Variants in MYO10 observed in about 807,000 individuals in gnomAD.
MYO10 encodes the protein unconventional myosin-X.
In MYO10, 133 loss-of-function variants were observed where a neutral mutation model predicts 257.3. The observed-to-expected ratio is 0.52, with a 90% CI of 0.45 to 0.60. The LOEUF (loss-of-function observed/expected upper bound fraction) is 0.60, where lower values mean the gene tolerates loss of function less well. Ranked by LOEUF, MYO10 falls within the 20% of genes least tolerant of loss-of-function variation. The pLI, the probability that MYO10 is intolerant of heterozygous loss-of-function variation, is 0.00. For missense variants in MYO10, 2,399 were observed against 2,635.7 expected (o/e 0.91, Z 1.97); for synonymous variants, 1,104 against 1,028.6 (o/e 1.07, Z -1.40).
At chr5:16,713,329 C>A in intron 19 of MYO10, 1 of 985,846 alleles carries the variant, frequency 1.0e-6, no homozygotes, top group South Asian at 4.7e-5. Context: ...GCCACACTCA[C>A]CATCTTCCTG....
At chr5:16,865,036 G>A (rs1428672635) in intron 2 of MYO10, among the ~76,000 whole-genome samples, 1 of 151,510 alleles carries the variant, frequency 6.6e-6, no homozygotes, top group African/African-American at 2.4e-5. Flanking sequence ...ACAGCAAAAT[G>A]TGGGAAAAGC....
At chr5:16,929,012 G>T (rs1451215386) in intron 1 of MYO10, among the ~76,000 whole-genome samples, 1 of 151,098 alleles carries the variant, frequency 6.6e-6, no homozygotes, top group African/African-American at 2.4e-5. Context: ...GAGTGCAGTG[G>T]CGCGATCTCA....
At chr5:16,906,299 C>G (rs1002765646) in intron 1 of MYO10, among the ~76,000 whole-genome samples, 5 of 152,040 alleles carry the variant, frequency 3.3e-5, no homozygotes, top group Non-Finnish European at 7.4e-5. Context: ...TCCTTCAGCT[C>G]GAGGGTCTAA....
intron 27 of MYO10, among the ~76,000 whole-genome samples, chr5:16,691,853 T>C (rs1384946898): frequency 6.6e-6 from 1 of 152,166 alleles, no homozygotes; most frequent in East Asian, 1.9e-4. Context: ...CTAGGTCTAA[T>C]GACCAATTCA....
chr5:16,891,627 T>A (rs565118639), intron 1 of MYO10, among the ~76,000 whole-genome samples: 1 of 152,326 alleles, frequency 6.6e-6, no homozygotes, highest in South Asian at 2.1e-4. Context: ...TGTCATGATG[T>A]GTGAATTATA....
At chr5:16,676,647 C>T (rs891309747) in intron 33 of MYO10, among the ~76,000 whole-genome samples, 31 of 152,066 alleles carry the variant, frequency 2.0e-4, no homozygotes, top group African/African-American at 2.2e-4. Flanking sequence ...ACCCGGGAGG[C>T]GGAGGTTGCA....
intron 1 of MYO10, among the ~76,000 whole-genome samples, chr5:16,905,958 A>C (rs1380371898): frequency 1.3e-5 from 2 of 152,230 alleles, no homozygotes; most frequent in Non-Finnish European, 2.9e-5. Flanking sequence ...AAGTTGAAAA[A>C]AAGAAAAAGA....
chr5:16,668,182 G>T (rs1561163319), intron 40 of MYO10, 95 bp downstream of exon 40: 2 of 1,323,004 alleles, frequency 1.5e-6, no homozygotes, highest in Non-Finnish European at 2.0e-6. Flanking sequence ...AATATTCAAA[G>T]AAAATGACCT....
intron 1 of MYO10, among the ~76,000 whole-genome samples, chr5:16,881,189 A>G (rs1051767974): frequency 1.3e-5 from 2 of 152,228 alleles, no homozygotes; most frequent in Admixed American, 6.5e-5. Flanking sequence ...CTGTTTCCCA[A>G]TCAAAATTGT....
At chr5:16,870,835 T>A (rs1580097007) in intron 2 of MYO10, among the ~76,000 whole-genome samples, 1 of 152,288 alleles carries the variant, frequency 6.6e-6, no homozygotes, top group East Asian at 1.9e-4. Context: ...GAGGCTGCAG[T>A]AAGCCGAGAT....
chr5:16,931,607 G>A (rs931186748), intron 1 of MYO10, among the ~76,000 whole-genome samples: 2 of 150,142 alleles, frequency 1.3e-5, no homozygotes, highest in Non-Finnish European at 3.0e-5. Flanking sequence ...GCTCCCCCTG[G>A]CTTTGCTGTC....
chr5:16,719,434 G>A (rs1739050357), intron 19 of MYO10, among the ~76,000 whole-genome samples: 1 of 152,194 alleles, frequency 6.6e-6, no homozygotes, highest in African/African-American at 2.4e-5. Flanking sequence ...TGTATCCCAA[G>A]GATGATGCCC....
intron 33 of MYO10, among the ~76,000 whole-genome samples, chr5:16,676,629 T>C (rs1055557024): frequency 2.0e-5 from 3 of 152,134 alleles, no homozygotes; most frequent in African/African-American, 4.8e-5. Flanking sequence ...GGCAGGATAA[T>C]TGCTTGAACC....
chr5:16,769,670 C>T (rs1228329885), intron 9 of MYO10, among the ~76,000 whole-genome samples: 1 of 151,814 alleles, frequency 6.6e-6, no homozygotes, highest in Non-Finnish European at 1.5e-5. Context: ...ATGATGAGGA[C>T]ATTACATAGT....
intron 1 of MYO10, among the ~76,000 whole-genome samples, chr5:16,903,276 A>G (rs1745436250): frequency 6.6e-6 from 1 of 152,168 alleles, no homozygotes; most frequent in African/African-American, 2.4e-5. Flanking sequence ...GTGGTAGCGC[A>G]TGCCTGTAAT....
At chr5:16,878,052 G>A (rs181534173) in intron 1 of MYO10, among the ~76,000 whole-genome samples, 26 of 152,300 alleles carry the variant, frequency 1.7e-4, no homozygotes, top group South Asian at 1.0e-3. Context: ...AGAACCAGAG[G>A]CCTAGAGGTA....
intron 1 of MYO10, among the ~76,000 whole-genome samples, chr5:16,923,565 G>A (rs1746048958): frequency 6.6e-6 from 1 of 151,694 alleles, no homozygotes; most frequent in South Asian, 2.1e-4. Flanking sequence ...GGGATCACAG[G>A]CATGAGCCAC....
intron 9 of MYO10, among the ~76,000 whole-genome samples, chr5:16,778,780 T>C (rs1459551587): frequency 1.4e-5 from 2 of 140,644 alleles, no homozygotes; most frequent in African/African-American, 5.4e-5. Context: ...AAGCTCCGCC[T>C]CCCGGGTTCA....
intron 2 of MYO10, among the ~76,000 whole-genome samples, chr5:16,853,011 T>C (rs1158233814): frequency 6.6e-6 from 1 of 152,088 alleles, no homozygotes; most frequent in African/African-American, 2.4e-5. Context: ...ACCCTAGAGC[T>C]GACATAAGCC....
Sources: allele counts gnomAD v4.1 joint callset (sites outside exome capture counted in the v4.1 genomes callset), GRCh38; gene constraint gnomAD v4.1.1; transcripts MANE v1.5; gene names NCBI Gene and HGNC (gene_info 2026-07-23, HGNC 2026-07-21).